The following NALF1 variants were observed in gnomAD, a reference collection of about 807,000 sequenced individuals.
NALF1 encodes family with sequence similarity 155 member A.
Under a neutral mutation model 48.4 loss-of-function variants are expected in NALF1, and 3 were observed. The ratio of observed to expected loss-of-function variants is 0.06; its 90% CI spans 0.03 to 0.16. NALF1 has a LOEUF of 0.16. Among genes scored for constraint, NALF1 ranks in the 10% least tolerant of loss-of-function variants. The probability of loss-of-function intolerance (pLI) is 1.00; values close to 1 mark genes in which losing one functional copy is unlikely to be tolerated. For missense variants in NALF1, 526 were observed against 571.5 expected, an observed-to-expected ratio of 0.92 and a Z score of 0.81; for synonymous variants, 262 against 245.7, an observed-to-expected ratio of 1.07 and a Z score of -0.62.
intron 1 of NALF1, among the ~76,000 whole-genome samples, chr13:107,487,188 A>C (rs1381886476): frequency 6.6e-6 from 1 of 152,122 alleles, no homozygotes; most frequent in Non-Finnish European, 1.5e-5. Flanking sequence ...ACAATGTCTT[A>C]TTTTTAAGAA....
chr13:107,256,331 A>G (rs901886694), intron 1 of NALF1, among the ~76,000 whole-genome samples: 5 of 152,212 alleles, frequency 3.3e-5, no homozygotes, highest in African/African-American at 9.7e-5. Flanking sequence ...GTGATGCCAC[A>G]TAAGGAGCTT....
chr13:107,782,228 A>C (rs1877913000), intron 1 of NALF1, among the ~76,000 whole-genome samples: 1 of 152,034 alleles, frequency 6.6e-6, no homozygotes, highest in Non-Finnish European at 1.5e-5. Context: ...TGGTTTTCGT[A>C]TTTTTTGGTG....
intron 1 of NALF1, among the ~76,000 whole-genome samples, chr13:107,597,812 C>T (rs546941088): frequency 6.6e-6 from 1 of 152,116 alleles, no homozygotes; most frequent in African/African-American, 2.4e-5. Flanking sequence ...ATAAAAAGTA[C>T]AATTTATCCA....
intron 1 of NALF1, among the ~76,000 whole-genome samples, chr13:107,457,246 T>G (rs8001792): frequency 1.7e-3 from 254 of 152,162 alleles, no homozygotes; most frequent in African/African-American, 5.8e-3. Flanking sequence ...CAGGAGACAA[T>G]GACACATTAA....
chr13:107,223,939 G>A (rs953470504), intron 1 of NALF1, among the ~76,000 whole-genome samples: 2 of 152,058 alleles, frequency 1.3e-5, no homozygotes, highest in African/African-American at 4.8e-5. Flanking sequence ...TCTTTATCCT[G>A]AGCTAAACAT....
intron 1 of NALF1, among the ~76,000 whole-genome samples, chr13:107,723,065 T>C (rs1184908386): frequency 6.6e-6 from 1 of 152,214 alleles, no homozygotes; most frequent in Non-Finnish European, 1.5e-5. Context: ...ATCCAAATCT[T>C]AAATTCCTTG....
intron 1 of NALF1, among the ~76,000 whole-genome samples, chr13:107,790,216 T>A (rs1229176507): frequency 2.0e-5 from 3 of 152,190 alleles, no homozygotes; most frequent in Non-Finnish European, 4.4e-5. Context: ...CTTTCACGTG[T>A]ATTTACATAT....
intron 1 of NALF1, among the ~76,000 whole-genome samples, chr13:107,671,082 T>C (rs1413334611): frequency 6.6e-6 from 1 of 152,150 alleles, no homozygotes; most frequent in East Asian, 1.9e-4. Context: ...CAAATTTTAA[T>C]GGAGTAGAAC....
At chr13:107,587,571 T>C (rs1027546341) in intron 1 of NALF1, among the ~76,000 whole-genome samples, 1 of 152,074 alleles carries the variant, frequency 6.6e-6, no homozygotes, top group Admixed American at 6.6e-5. Flanking sequence ...TAAGAATGGA[T>C]AAAAACGCAC....
intron 2 of NALF1, among the ~76,000 whole-genome samples, chr13:107,196,331 T>A (rs1354908983): frequency 6.6e-6 from 1 of 152,190 alleles, no homozygotes; most frequent in Non-Finnish European, 1.5e-5. Flanking sequence ...GGAAATCATT[T>A]ATAAGTCTCT....
At chr13:107,317,088 T>C (rs901923510) in intron 1 of NALF1, among the ~76,000 whole-genome samples, 3 of 152,120 alleles carry the variant, frequency 2.0e-5, no homozygotes, top group African/African-American at 7.2e-5. Flanking sequence ...GTAGAGACAT[T>C]AGTAACCAAG....
At chr13:107,670,125 A>G (rs1251051351) in intron 1 of NALF1, among the ~76,000 whole-genome samples, 1 of 152,162 alleles carries the variant, frequency 6.6e-6, no homozygotes, top group Non-Finnish European at 1.5e-5. Context: ...TGAAAAGGTT[A>G]GTAAGATTGT....
intron 2 of NALF1, among the ~76,000 whole-genome samples, chr13:107,174,988 A>G (rs1233184620): frequency 4.8e-5 from 7 of 145,610 alleles, no homozygotes; most frequent in East Asian, 2.0e-4. Context: ...GGTTCACGCC[A>G]TTCTCCTGCC....
chr13:107,467,979 C>T (rs1237408727), intron 1 of NALF1, among the ~76,000 whole-genome samples: 2 of 147,920 alleles, frequency 1.4e-5, no homozygotes, highest in East Asian at 4.0e-4. Flanking sequence ...ACCCGGGAGG[C>T]GGAGCTTGCA....
At chr13:107,418,663 T>C (rs776491082) in intron 1 of NALF1, among the ~76,000 whole-genome samples, 3 of 152,050 alleles carry the variant, frequency 2.0e-5, no homozygotes, top group Non-Finnish European at 4.4e-5. Flanking sequence ...GGTAATGGAA[T>C]AGTACCTGCT....
intron 1 of NALF1, among the ~76,000 whole-genome samples, chr13:107,752,005 AATATTT>A (rs1438373600): frequency 6.6e-6 from 1 of 152,068 alleles, no homozygotes; most frequent in Non-Finnish European, 1.5e-5. Context: ...CAAACATATT[AATATTT>A]ATATTAATGT....
chr13:107,288,219 CT>C (rs375800659), intron 1 of NALF1, among the ~76,000 whole-genome samples: 31,657 of 124,140 alleles, frequency 0.26, 2,132 homozygotes, highest in Non-Finnish European at 0.3. Flanking sequence ...GATCTGAAGA[CT>C]TTTTTTTTTT....
chr13:107,801,846 C>T (rs112340574), intron 1 of NALF1, among the ~76,000 whole-genome samples: 26 of 151,516 alleles, frequency 1.7e-4, no homozygotes, highest in South Asian at 1.5e-3. Context: ...CTTCCCCTTT[C>T]CTCTTCGCAC....
At chr13:107,779,802 CT>C (rs956487645) in intron 1 of NALF1, among the ~76,000 whole-genome samples, 1 of 152,134 alleles carries the variant, frequency 6.6e-6, no homozygotes, top group Non-Finnish European at 1.5e-5. Flanking sequence ...GTTCTAAAAC[CT>C]CAGGAAACAT....
Sources: gnomAD v4.1 joint callset for allele counts (sites outside exome capture counted in the v4.1 genomes callset) on GRCh38, gnomAD v4.1.1 for gene constraint, MANE v1.5 for transcripts, NCBI Gene and HGNC (gene_info 2026-07-23, HGNC 2026-07-21) for gene names.